UTP20: variants seen among roughly 807,000 people sequenced by gnomAD.
UTP20 encodes the protein UTP20 small subunit processome component.
In UTP20, 164 loss-of-function variants were observed where a neutral mutation model predicts 329.5. That is an observed-to-expected ratio of 0.50 (90% CI 0.44 to 0.57). UTP20 has a LOEUF of 0.57. UTP20 is among the 20% of genes least tolerant of loss of function. The pLI is 0.00. For synonymous variants in UTP20, 1,151 were observed against 1,159.3 expected (o/e 0.99, Z 0.14); for missense variants, 3,055 against 3,284.2 (o/e 0.93, Z 1.71).
At chr12:101,324,336 C>T (rs935029024) in intron 25 of UTP20, among the ~76,000 whole-genome samples, 2 of 151,788 alleles carry the variant, frequency 1.3e-5, no homozygotes, top group African/African-American at 4.8e-5. Context: ...CTCTTGGGCT[C>T]GAGCGATCCT....
intron 50 of UTP20, 27 bp from the exon 51 acceptor site, chr12:101,371,031 A>C: frequency 6.3e-7 from 1 of 1,598,788 alleles, no homozygotes; most frequent in East Asian, 2.2e-5. Context: ...ACATGAAATG[A>C]GTATGTCTTT....
intron 8 of UTP20, 157 bp downstream of exon 8, chr12:101,291,045 CT>C (rs1351249851): frequency 5.9e-6 from 4 of 675,128 alleles, no homozygotes; most frequent in Non-Finnish European, 6.6e-6. Flanking sequence ...CTCTGCCCCC[CT>C]GTGCTATTTT....
intron 48 of UTP20, among the ~76,000 whole-genome samples, chr12:101,369,344 A>T (rs528380504): frequency 6.6e-6 from 1 of 152,210 alleles, no homozygotes; most frequent in South Asian, 2.1e-4. Context: ...ATGGCTGGGC[A>T]TGGTGGCTCA....
Position 101,366,674 on chromosome 12 carries a change from A to T in UTP20, c.6242A>T (p.His2081Leu). 1.9e-6 allele frequency: 3 copies of T among 1,614,160 alleles called. No individual in the cohort carries two copies. Among genetic ancestry groups the T allele is most frequent in the Non-Finnish European group, 2.5e-6 (3 of 1,180,022 alleles). Reference protein sequence around the residue: ...KAVVSRKTNMHIFIESGLRLL... With the variant: ...KAVVSRKTNMLIFIESGLRLL... ...GTTGTGAGCAGGAAAACCAACATGC[A>T]CATATTTATTGAGTCCGGGCTTCGG... Residue 2081 changes from histidine (H) to leucine (L), a missense_variant, in exon 47 of 62, where the codon CAC becomes CTC. His to Leu is a moderately conservative substitution (Grantham distance 99). This residue lies in a region of UTP20 where 2,445 missense variants were observed against 2,575.5 expected (regional missense o/e 0.95). Transcript: ENST00000261637.
chr12:101,345,560 C>G lies in UTP20; in HGVS notation c.4612C>G (p.Gln1538Glu). 1 of 1,570,568 alleles carries G rather than the reference C, an allele frequency of 6.4e-7. No individual in the cohort carries two copies. The highest frequency in any genetic ancestry group is 1.2e-5 in the South Asian group (1 of 85,264). ...CTCCACTTCATATTTACAGAGTATT[C>G]AGCAGGATTATACCACAATACTTTC... ...KGLKSQTESIQQDYTTILSCL... is the reference protein window; with the variant it reads ...KGLKSQTESIEQDYTTILSCL... Residue 1538 changes from glutamine to glutamate, a missense_variant, in exon 37 of 62, where the codon CAG (glutamine) becomes GAG (glutamate). Physicochemically the swap from Gln to Glu is conservative, Grantham distance 29 (BLOSUM62 2). Coordinates refer to ENST00000261637, the MANE Select transcript of UTP20 (RefSeq NM_014503.3).
At chr12:101,374,091 C>T (rs1054066700) in intron 54 of UTP20, among the ~76,000 whole-genome samples, 18 of 151,366 alleles carry the variant, frequency 1.2e-4, no homozygotes, top group African/African-American at 4.4e-4. Context: ...AAAAATTAGC[C>T]GGGCGTAGTG....
intron 43 of UTP20, among the ~76,000 whole-genome samples, chr12:101,360,311 A>C (rs1203591997): frequency 6.6e-6 from 1 of 152,168 alleles, no homozygotes; most frequent in Non-Finnish European, 1.5e-5. Flanking sequence ...CCGAAGTGGG[A>C]GGTGAACACC....
At chr12:101,302,957 C>T (rs1268081650) in intron 15 of UTP20, among the ~76,000 whole-genome samples, 1 of 152,200 alleles carries the variant, frequency 6.6e-6, no homozygotes, top group Non-Finnish European at 1.5e-5. Context: ...CTTTTTACTA[C>T]ACACTGAAAC....
rs1465487988 is a variant in UTP20, at chr12:101,386,232, C to G, written c.*109C>G. 3.1e-6 allele frequency: 3 copies of G among 952,558 alleles called. No homozygotes were observed. The African/African-American group carries it at 5.4e-5, about 17-fold the overall frequency. The allele number at this position is 952,558 out of a possible 1,614,324, so 59.0% of individuals were successfully genotyped here. A position where few individuals can be genotyped will look rare whatever the true frequency, so the allele number is the denominator to read the frequency against. Reference sequence around the variant, plus strand: ...GAGGCGTTTTTTTTTTTTTTTGAGACAAGGTCTCACTCTGTCACCCAAGGT... The same window carrying G: ...GAGGCGTTTTTTTTTTTTTTTGAGAGAAGGTCTCACTCTGTCACCCAAGGT... On this transcript the variant is annotated 3_prime_UTR_variant, in exon 62 of 62. Coordinates refer to ENST00000261637, the MANE Select transcript of UTP20 (RefSeq NM_014503.3).
chr12:101,322,367 T>C (rs1404557854), intron 25 of UTP20, among the ~76,000 whole-genome samples: 2 of 152,236 alleles, frequency 1.3e-5, no homozygotes, highest in Non-Finnish European at 2.9e-5. Flanking sequence ...TAAATTTTAC[T>C]GTTGAGATAC....
intron 12 of UTP20, among the ~76,000 whole-genome samples, chr12:101,298,574 G>A (rs1456537246): frequency 6.6e-6 from 1 of 152,142 alleles, no homozygotes; most frequent in Non-Finnish European, 1.5e-5. Flanking sequence ...CTTACAGGAT[G>A]ACTTAAGGAG....
chr12:101,326,594 T>C (rs1868566034), intron 25 of UTP20, among the ~76,000 whole-genome samples: 1 of 152,090 alleles, frequency 6.6e-6, no homozygotes, highest in Admixed American at 6.6e-5. Flanking sequence ...TACTTACAAT[T>C]GTATTCTCTT....
intron 11 of UTP20, among the ~76,000 whole-genome samples, chr12:101,293,903 T>C (rs1398494245): frequency 1.3e-5 from 2 of 152,196 alleles, no homozygotes; most frequent in Non-Finnish European, 2.9e-5. Flanking sequence ...TTTAATCTTA[T>C]TTTTATCCAA....
At position 101,361,986 on chromosome 12, in the gene UTP20, C is replaced by T; in HGVS notation, c.5716C>T (p.His1906Tyr). The change falls in exon 44 of 62, where the codon CAC (histidine) becomes TAC (tyrosine). Residue 1906 changes from histidine to tyrosine, a missense_variant. Coordinates refer to ENST00000261637, the MANE Select transcript of UTP20 (RefSeq NM_014503.3). ...GGTCCATGTGCTGACTTTCACCGTT[C>T]ACATGCTGCTGCAAGGCCTCACCAA... ...YQVHVLTFTV[H>Y]MLLQGLTNKL... The T allele has an allele frequency of 6.2e-7, 1 of 1,613,744 alleles. No individual in the cohort carries two copies. The highest frequency in any genetic ancestry group is 8.5e-7 in the Non-Finnish European group (1 of 1,179,784).
At chr12:101,298,789 T>C (rs1023562626) in intron 12 of UTP20, among the ~76,000 whole-genome samples, 1 of 152,122 alleles carries the variant, frequency 6.6e-6, no homozygotes, top group African/African-American at 2.4e-5. Flanking sequence ...TAGTTATCTA[T>C]CATGATTTCC....
chr12:101,339,276 G>A (rs1005067163), intron 31 of UTP20, among the ~76,000 whole-genome samples: 2 of 152,102 alleles, frequency 1.3e-5, no homozygotes, highest in Admixed American at 1.3e-4. Context: ...TCGCGCCACT[G>A]CACTCCAGCC....
In UTP20 at chr12:101,346,898, C is replaced by T. The variant is rs553414027; in HGVS notation, c.4884+310C>T. On this transcript the variant is annotated intron_variant, in intron 38 of 61. Coordinates refer to ENST00000261637, the MANE Select transcript of UTP20 (RefSeq NM_014503.3). ...TCATAGGACTTAAATCTGGTTAACT[C>T]CCCTAGTCAGCAGTCATTATTTTTG... Among the ~76,000 whole-genome samples the T allele has an allele frequency of 3.9e-5, 6 of 152,220 alleles. No individual in the cohort carries two copies. The South Asian group carries it at 1.0e-3, about 26-fold the overall frequency.
intron 8 of UTP20, 86 bp downstream of exon 8, chr12:101,290,974 G>C: frequency 7.3e-7 from 1 of 1,372,702 alleles, no homozygotes; most frequent in Non-Finnish European, 9.9e-7. Context: ...ATCACTCCTA[G>C]AAGTTATATT....
chr12:101,326,008 G>A (rs1031797355), intron 25 of UTP20, among the ~76,000 whole-genome samples: 3 of 152,120 alleles, frequency 2.0e-5, no homozygotes, highest in African/African-American at 7.2e-5. Context: ...CTTAGTAAAC[G>A]AATATTTTCC....
Sources: allele counts gnomAD v4.1 joint callset (sites outside exome capture counted in the v4.1 genomes callset), GRCh38; gene constraint gnomAD v4.1.1; regional missense constraint gnomAD v4.1.1; transcripts MANE v1.5; gene names NCBI Gene and HGNC (gene_info 2026-07-23, HGNC 2026-07-21).